Variants in ASIC2 observed in about 807,000 individuals in gnomAD.
ASIC2 encodes acid sensing ion channel subunit 2.
In ASIC2, 25 loss-of-function variants were observed where a neutral mutation model predicts 57.3. The ratio of observed to expected loss-of-function variants is 0.44; its 90% CI spans 0.32 to 0.61. ASIC2 has a LOEUF of 0.61. Among genes scored for constraint, ASIC2 ranks in the 20% least tolerant of loss-of-function variants. ASIC2 has a pLI of 0.06. For synonymous variants in ASIC2, 319 were observed against 307.5 expected, an observed-to-expected ratio of 1.04 and a Z score of -0.39; for missense variants, 641 against 738.1, an observed-to-expected ratio of 0.87 and a Z score of 1.52.
chr17:34,156,596 T>C lies in ASIC2; in HGVS notation c.-64A>G, dbSNP rs1904732467. On this transcript the variant is annotated 5_prime_UTR_variant, in exon 1 of 10. Transcript: ENST00000359872. The surrounding 1 kb of genome is among the most constrained non-coding windows in gnomAD (Gnocchi z 4.4). The stretch of plus-strand genomic sequence containing the variant: ...TCGAATTTCAGAGAAGAGCTCCCAG[T>C]CCTCGGGCTCTGCTTAAACCTTGAC... The C allele has an allele frequency of 7.4e-6, 11 of 1,486,426 alleles. No individual in the cohort carries two copies. Among genetic ancestry groups the C allele is most frequent in the African/African-American group, 1.4e-5 (1 of 71,470 alleles). The allele number at this position is 1,486,426 out of a possible 1,614,324, so 92.1% of individuals were successfully genotyped here. A position where few individuals can be genotyped will look rare whatever the true frequency, so the allele number is the denominator to read the frequency against.
At chr17:33,146,578 G>T (rs1021001570) in intron 1 of ASIC2, among the ~76,000 whole-genome samples, 5 of 152,210 alleles carry the variant, frequency 3.3e-5, no homozygotes, top group African/African-American at 1.2e-4. Flanking sequence ...CTCCTAGTTT[G>T]CTCACAGCCA....
At chr17:33,564,037 C>T (rs541853095) in intron 1 of ASIC2, among the ~76,000 whole-genome samples, 1 of 152,274 alleles carries the variant, frequency 6.6e-6, no homozygotes, top group African/African-American at 2.4e-5. Flanking sequence ...CAGGAGCTCC[C>T]TGCAGGAAGT....
At chr17:33,613,920 A>ACCAGT (rs1359364250) in intron 1 of ASIC2, among the ~76,000 whole-genome samples, 3 of 152,198 alleles carry the variant, frequency 2.0e-5, no homozygotes, top group Admixed American at 2.0e-4. Context: ...TTCTACTATA[A>ACCAGT]CCAGTGCTGT....
At chr17:33,561,864 T>C (rs1285060332) in intron 1 of ASIC2, among the ~76,000 whole-genome samples, 2 of 152,242 alleles carry the variant, frequency 1.3e-5, no homozygotes, top group African/African-American at 4.8e-5. Flanking sequence ...GATGCACGTC[T>C]TAGTTCAGTG....
intron 1 of ASIC2, among the ~76,000 whole-genome samples, chr17:33,240,927 C>T (rs2142119232): frequency 6.6e-6 from 1 of 152,336 alleles, no homozygotes; most frequent in African/African-American, 2.4e-5. Flanking sequence ...GTGTTTTTAG[C>T]TCTTCAGAGA....
At chr17:33,114,512 G>A (rs2092272999) in intron 1 of ASIC2, among the ~76,000 whole-genome samples, 1 of 152,198 alleles carries the variant, frequency 6.6e-6, no homozygotes, top group Admixed American at 6.5e-5. Context: ...GCAAGCAAAA[G>A]TAAATTTCAG....
intron 1 of ASIC2, among the ~76,000 whole-genome samples, chr17:33,447,042 C>T (rs1248695576): frequency 6.6e-6 from 1 of 152,164 alleles, no homozygotes; most frequent in African/African-American, 2.4e-5. Context: ...ACGCTTTGAG[C>T]CTGAGAATAA....
chr17:33,553,229 G>T (rs1915803575), intron 1 of ASIC2, among the ~76,000 whole-genome samples: 2 of 152,062 alleles, frequency 1.3e-5, no homozygotes, highest in Non-Finnish European at 2.9e-5. Flanking sequence ...TTGCTAAGAG[G>T]GTGGGTTGAG....
chr17:33,803,586 CTTTTT>C (rs961357779), intron 1 of ASIC2, among the ~76,000 whole-genome samples: 4 of 96,886 alleles, frequency 4.1e-5, no homozygotes, highest in East Asian at 2.9e-4. Context: ...TTTCCCTTTT[CTTTTT>C]TTTTTTTTTT....
At chr17:33,379,714 T>A (rs749625258) in intron 1 of ASIC2, among the ~76,000 whole-genome samples, 42 of 152,166 alleles carry the variant, frequency 2.8e-4, no homozygotes, top group Non-Finnish European at 5.7e-4. Context: ...TCAGCTATGG[T>A]TCACACATTA....
intron 1 of ASIC2, among the ~76,000 whole-genome samples, chr17:33,132,958 GTT>G (rs1214748150): frequency 1.3e-5 from 2 of 152,176 alleles, no homozygotes; most frequent in African/African-American, 4.8e-5. Flanking sequence ...TTTTGAGGTC[GTT>G]TATATAGACA....
At chr17:34,036,504 C>G (rs187672897) in intron 1 of ASIC2, among the ~76,000 whole-genome samples, 1 of 150,666 alleles carries the variant, frequency 6.6e-6, no homozygotes, top group Non-Finnish European at 1.5e-5. Flanking sequence ...CACACGTACC[C>G]TAAAACTTAA....
Position 33,403,747 on chromosome 17 carries a change from T to G in ASIC2, c.556-291680A>C, listed in dbSNP as rs1910367830. Among the ~76,000 whole-genome samples, 3 of 152,198 alleles carry G rather than the reference T, an allele frequency of 2.0e-5. No homozygotes were observed. The South Asian group carries it at 6.2e-4, about 31-fold the overall frequency. On this transcript the variant is annotated intron_variant, in intron 1 of 9. Coordinates refer to the ASIC2 transcript ENST00000359872. Reference sequence around the variant, plus strand: ...CCATCATCATTTGACATTACCCTTTTACTTCTATTAAAGAATCTTGTAAAC... The same window carrying G: ...CCATCATCATTTGACATTACCCTTTGACTTCTATTAAAGAATCTTGTAAAC...
chr17:34,076,252 G>A (rs951078054), intron 1 of ASIC2, among the ~76,000 whole-genome samples: 4 of 151,984 alleles, frequency 2.6e-5, no homozygotes, highest in African/African-American at 4.8e-5. Flanking sequence ...TGATCCACCC[G>A]CCTTGGCCTC....
At chr17:33,832,206 G>A (rs1913135503) in intron 1 of ASIC2, among the ~76,000 whole-genome samples, 1 of 152,232 alleles carries the variant, frequency 6.6e-6, no homozygotes. Flanking sequence ...ACGTAGTTAA[G>A]TGTTGGCCTA....
At chr17:34,086,496 T>TG in intron 1 of ASIC2, among the ~76,000 whole-genome samples, 1 of 152,022 alleles carries the variant, frequency 6.6e-6, no homozygotes, top group Admixed American at 6.6e-5. Flanking sequence ...GGTGTGGTGC[T>TG]GAAAAAAATG....
intron 3 of ASIC2, among the ~76,000 whole-genome samples, chr17:33,074,162 T>A (rs554665651): frequency 3.7e-4 from 56 of 152,332 alleles, no homozygotes; most frequent in African/African-American, 1.3e-3. Context: ...CAAGGAAAGA[T>A]ACCAAAAGCA....
intron 1 of ASIC2, among the ~76,000 whole-genome samples, chr17:34,011,085 G>GAACACACACACACA (rs1906733193): frequency 2.7e-5 from 1 of 36,902 alleles, no homozygotes; most frequent in Non-Finnish European, 6.7e-5. Flanking sequence ...GCAGACACAT[G>GAACACACACACACA]CACACACACA....
At chr17:33,674,123 G>A (rs951874900) in intron 1 of ASIC2, among the ~76,000 whole-genome samples, 1 of 152,030 alleles carries the variant, frequency 6.6e-6, no homozygotes, top group Admixed American at 6.6e-5. Context: ...TTGATCTCTC[G>A]ACTTCGTGAT....
Sources: allele counts gnomAD v4.1 joint callset (sites outside exome capture counted in the v4.1 genomes callset), GRCh38; gene constraint gnomAD v4.1.1; non-coding constraint Gnocchi (gnomAD v3.1); transcripts MANE v1.5; gene names NCBI Gene and HGNC (gene_info 2026-07-23, HGNC 2026-07-21).